AKAP17A: variants seen among roughly 807,000 people sequenced by gnomAD.
AKAP17A encodes A-kinase anchoring protein 17A.
In AKAP17A, 15 loss-of-function variants were observed where a neutral mutation model predicts 52.2. That is an observed-to-expected ratio of 0.29 (90% CI 0.19 to 0.44). The LOEUF is 0.44. Among genes scored for constraint, AKAP17A ranks in the 20% least tolerant of loss-of-function variants. The pLI is 1.00. For missense variants in AKAP17A, 1,060 were observed against 1,007.0 expected, an observed-to-expected ratio of 1.05 and a Z score of -0.71; for synonymous variants, 514 against 424.7, an observed-to-expected ratio of 1.21 and a Z score of -2.58.
chrX:1,599,832 G>T, intron 4 of AKAP17A: 2 of 598,296 alleles, frequency 3.3e-6, no homozygotes, highest in Non-Finnish European at 5.9e-6. Context: ...CAGAGCAGAG[G>T]GGCAAGGTGG....
At position 1,601,754 on chromosome X, in the gene AKAP17A, G is replaced by A. The variant is rs1933399355; in HGVS notation, c.*160G>A. 4 of 582,046 alleles carry A rather than the reference G, an allele frequency of 6.9e-6. No individual in the cohort carries two copies. In the East Asian group the frequency reaches 1.3e-4, roughly 19 times the overall value. The allele number at this position is 582,046 out of a possible 1,614,324, so 36.1% of individuals were successfully genotyped here. A position where few individuals can be genotyped will look rare whatever the true frequency, so the allele number is the denominator to read the frequency against. On this transcript the variant is annotated 3_prime_UTR_variant, in exon 5 of 5. Coordinates refer to ENST00000313871, the MANE Select transcript of AKAP17A (RefSeq NM_005088.3). ...CCGCCGGCAGGAAGGAAGACACCAT[G>A]CTTTAGAGATCCATCTTTCTCCACT...
intron 1 of AKAP17A, among the ~76,000 whole-genome samples, chrX:1,592,301 G>T (rs1932852222): frequency 6.6e-6 from 1 of 151,982 alleles, no homozygotes; most frequent in African/African-American, 2.4e-5. Context: ...GAGAATGTGT[G>T]GGGCCCTGCC....
intron 4 of AKAP17A, 32 bp from the exon 5 acceptor site, chrX:1,600,627 C>G (rs375475140): frequency 6.7e-7 from 1 of 1,498,762 alleles, no homozygotes; most frequent in Admixed American, 2.1e-5. Context: ...GCTCAGGAAC[C>G]GGGCTCAGCT....
At chrX:1,600,207 G>A (rs1351667665) in intron 4 of AKAP17A, 1 of 1,312,926 alleles carries the variant, frequency 7.6e-7, no homozygotes, top group African/African-American at 1.5e-5. Flanking sequence ...CTTACCTCAT[G>A]GTGAATATTG....
chrX:1,594,207 G>T lies in AKAP17A; in HGVS notation c.745G>T (p.Val249Leu), dbSNP rs759355717. 3.2e-6 allele frequency: 5 copies of T among 1,542,234 alleles called. No individual in the cohort carries two copies. Among genetic ancestry groups the T allele is most frequent in the Non-Finnish European group, 4.4e-6 (5 of 1,142,710 alleles). ...GTACAAGGGCGAGGACGGCAAGGCC[G>T]TGGCCTGCAACATCAAGGTGAGTCC... Reference protein sequence around the residue: ...LMYKGEDGKAVACNIKVSFDS... With the variant: ...LMYKGEDGKALACNIKVSFDS... Residue 249 changes from valine (V) to leucine (L), a missense_variant, in exon 2 of 5, where the codon GTG becomes TTG. Transcript: ENST00000313871.
In AKAP17A at chrX:1,593,593, A is replaced by T; in HGVS notation, c.131A>T (p.Lys44Met). The T allele has an allele frequency of 1.9e-6, 3 of 1,613,874 alleles. No homozygotes were observed. Among genetic ancestry groups the T allele is most frequent in the Non-Finnish European group, 2.5e-6 (3 of 1,179,860 alleles). ...VALPQLKQPG[K>M]SISNWEVMER... is the part of the protein sequence containing the mutation. ...CTCCCGCAGCTGAAGCAGCCGGGGA[A>T]GTCCATCTCCAACTGGGAGGTGATG... Residue 44 changes from lysine to methionine, a missense_variant, in exon 2 of 5, where the codon AAG (lysine) becomes ATG (methionine). Physicochemically the swap from Lys to Met is moderately conservative, Grantham distance 95. Transcript: ENST00000313871.
In AKAP17A at chrX:1,597,162, TGCACGAGAGTCCCG is replaced by T. The variant is rs767463713; in HGVS notation, c.911+1635_911+1648del. 2.1e-3 allele frequency among the ~76,000 whole-genome samples: 317 copies of T among 152,340 alleles called. 1 individual carries two copies. The Middle Eastern group carries it at 0.024, about 11-fold the overall frequency. On this transcript the variant is annotated intron_variant, in intron 3 of 4. Coordinates refer to ENST00000313871, the MANE Select transcript of AKAP17A (RefSeq NM_005088.3). ...GTTGATGTGTGTGGCTGGTGATGTT[TGCACGAGAGTCCCG>T]GCACTGAACTCCTGGGAGCAGGTCC...
chrX:1,596,440 C>G (rs111699390), intron 3 of AKAP17A, among the ~76,000 whole-genome samples: 6 of 110,314 alleles, frequency 5.4e-5, no homozygotes, highest in Non-Finnish European at 1.0e-4. Flanking sequence ...CCTCCTCCTC[C>G]TCCTCCTCCA....
rs1261676427 is a variant in AKAP17A at position 1,599,704 on chromosome X, G to A, written c.1152+272G>A. 3 of 633,288 alleles carry A rather than the reference G, an allele frequency of 4.7e-6. No individual in the cohort carries two copies. In the South Asian group the frequency reaches 5.8e-5, roughly 12 times the overall value. The allele number at this position is 633,288 out of a possible 1,614,324, so 39.2% of individuals were successfully genotyped here. ...GGCTGGCAGCCTCCCGGGGGCCAGG[G>A]CAGAGGCTCTCTGTTTCCTTTGGGT... On this transcript the variant is annotated intron_variant, in intron 4 of 4. Transcript: ENST00000313871.
At chrX:1,600,120 C>T (rs1452732562) in intron 4 of AKAP17A, 1 of 1,300,464 alleles carries the variant, frequency 7.7e-7, no homozygotes, top group Non-Finnish European at 1.0e-6. Context: ...GACCCCATAA[C>T]CTGTTGTCTG....
chrX:1,600,307 G>A (rs747026089), intron 4 of AKAP17A: 50 of 884,118 alleles, frequency 5.7e-5, no homozygotes, highest in Non-Finnish European at 7.2e-5. Context: ...TGTTGCTGGC[G>A]GCCGCTTGTG....
rs201530632 is a variant in AKAP17A, at chrX:1,600,868, C to T, written c.1362C>T (p.Asp454=). ...SKKPDDSHTH[D]ELGVAHADLL... The stretch of plus-strand genomic sequence containing the variant: ...AGCCGGACGACAGCCACACACACGA[C>T]GAGCTGGGCGTGGCACACGCCGACC... The change falls in exon 5 of 5, where the codon GAC becomes GAT. Residue 454 remains aspartate (D), a synonymous_variant. Coordinates refer to ENST00000313871, the MANE Select transcript of AKAP17A (RefSeq NM_005088.3). The T allele has an allele frequency of 3.1e-5, 49 of 1,587,884 alleles. No homozygotes were observed. The Admixed American group carries it at 3.4e-4, about 11-fold the overall frequency.
At position 1,602,009 on chromosome X, in the gene AKAP17A, TGAAAA is replaced by T; in HGVS notation, c.*420_*424del. 1 of 185,626 alleles carries T rather than the reference TGAAAA, an allele frequency of 5.4e-6. No individual in the cohort carries two copies. The highest frequency in any genetic ancestry group is 1.1e-5 in the Non-Finnish European group (1 of 90,532). The allele number at this position is 185,626 out of a possible 1,614,324, so 11.5% of individuals were successfully genotyped here. Reference sequence around the variant, plus strand: ...CGGGCCACCATAGTCACACTGGCACTGAAAAGAAAGCGTTGCCCTGGTGATTCTTT... The same window carrying T: ...CGGGCCACCATAGTCACACTGGCACTGAAAGCGTTGCCCTGGTGATTCTTT... On this transcript the variant is annotated 3_prime_UTR_variant, in exon 5 of 5. Transcript: ENST00000313871.
intron 3 of AKAP17A, among the ~76,000 whole-genome samples, chrX:1,597,131 C>G (rs748947908): frequency 1.3e-4 from 20 of 152,288 alleles, no homozygotes; most frequent in African/African-American, 4.8e-4. Flanking sequence ...ACGCTGGTGC[C>G]AGCGTGTTGA....
intron 3 of AKAP17A, among the ~76,000 whole-genome samples, chrX:1,596,943 C>T (rs1265849129): frequency 2.6e-5 from 4 of 151,120 alleles, no homozygotes; most frequent in Admixed American, 6.6e-5. Flanking sequence ...TACTCCTCTT[C>T]GTCCTCCGTC....
At chrX:1,593,360 G>C in intron 1 of AKAP17A, 84 bp from the exon 2 acceptor site, 3 of 1,398,744 alleles carry the variant, frequency 2.1e-6, no homozygotes, top group Non-Finnish European at 2.9e-6. Flanking sequence ...TCCGGGTCCA[G>C]AAAGTGCCTG....
At chrX:1,596,647 A>C (rs867203053) in intron 3 of AKAP17A, among the ~76,000 whole-genome samples, 2 of 48,436 alleles carry the variant, frequency 4.1e-5, no homozygotes, top group Non-Finnish European at 3.9e-5. Flanking sequence ...CATCCCTCCC[A>C]CCCTCCTAGT....
chrX:1,597,850 C>T (rs1400398986), intron 3 of AKAP17A, among the ~76,000 whole-genome samples: 19 of 151,928 alleles, frequency 1.3e-4, no homozygotes, highest in Admixed American at 6.6e-4. Context: ...ATGAGGTTCT[C>T]GAGAGCAGGA....
At chrX:1,597,137 G>A (rs1933042189) in intron 3 of AKAP17A, among the ~76,000 whole-genome samples, 1 of 152,212 alleles carries the variant, frequency 6.6e-6, no homozygotes. Flanking sequence ...GTGCCAGCGT[G>A]TTGATGTGTG....
Sources: gnomAD v4.1 joint callset for allele counts (sites outside exome capture counted in the v4.1 genomes callset) on GRCh38, gnomAD v4.1.1 for gene constraint, MANE v1.5 for transcripts, NCBI Gene and HGNC (gene_info 2026-07-23, HGNC 2026-07-21) for gene names.